Variants in POU2F1 observed in about 807,000 individuals in gnomAD.
POU2F1 encodes the protein POU domain, class 2, transcription factor 1.
Under a neutral mutation model 84.9 loss-of-function variants are expected in POU2F1, and 16 were observed. The observed-to-expected ratio is 0.19, with a 90% CI of 0.13 to 0.29. The LOEUF is 0.29. Ranked by LOEUF, POU2F1 falls within the 10% of genes least tolerant of loss-of-function variation. POU2F1 has a pLI of 1.00. For missense variants in POU2F1, 738 were observed against 942.6 expected (o/e 0.78, Z 2.84); for synonymous variants, 368 against 368.3 (o/e 1.00, Z 0.01).
At chr1:167,298,107 C>T (rs1654412424) in intron 1 of POU2F1, among the ~76,000 whole-genome samples, 1 of 151,982 alleles carries the variant, frequency 6.6e-6, no homozygotes, top group Admixed American at 6.6e-5. Flanking sequence ...GCCTGGGCAA[C>T]AAGAGTGAAA....
chr1:167,301,370 C>G (rs111394738), intron 1 of POU2F1, among the ~76,000 whole-genome samples: 5 of 152,258 alleles, frequency 3.3e-5, no homozygotes, highest in African/African-American at 1.2e-4. Flanking sequence ...AAATACCTTG[C>G]GTTATTTTGT....
In POU2F1 at chr1:167,415,960, CA is replaced by C; in HGVS notation, c.*151del. ...AAGGGAGAAAAAAAAAAAAAAACCA[CA>C]CACACCCATACACACATACCAGAAA... On this transcript the variant is annotated 3_prime_UTR_variant, in exon 16 of 16. Coordinates refer to ENST00000367866, the MANE Select transcript of POU2F1 (RefSeq NM_002697.4). 2.7e-6 allele frequency: 2 copies of C among 752,626 alleles called. No individual in the cohort carries two copies. Among genetic ancestry groups the C allele is most frequent in the South Asian group, 3.7e-5 (2 of 54,138 alleles). 46.6% of individuals were successfully genotyped at this position (752,626 alleles called of 1,614,324 possible).
intron 1 of POU2F1, among the ~76,000 whole-genome samples, chr1:167,224,134 C>T (rs538643197): frequency 6.6e-6 from 1 of 152,222 alleles, no homozygotes; most frequent in South Asian, 2.1e-4. Context: ...TGTTAACTGG[C>T]CTTATATTTT....
chr1:167,304,134 T>C (rs1162186009), intron 1 of POU2F1, among the ~76,000 whole-genome samples: 1 of 152,192 alleles, frequency 6.6e-6, no homozygotes, highest in East Asian at 1.9e-4. Context: ...TTTTTATATT[T>C]TTATTTTTAA....
chr1:167,328,914 C>A, intron 1 of POU2F1: 2 of 436,494 alleles, frequency 4.6e-6, no homozygotes, highest in Non-Finnish European at 6.3e-6. Context: ...CCTAATCACG[C>A]GCATACTGAT....
Position 167,420,164 on chromosome 1 carries a change from A to G in POU2F1, c.*4354A>G, listed in dbSNP as rs1484456852. 8.3e-6 allele frequency: 1 copy of G among 119,954 alleles called. No homozygotes were observed. Among genetic ancestry groups the G allele is most frequent in the Non-Finnish European group, 1.7e-5 (1 of 59,720 alleles). 7.4% of individuals were successfully genotyped at this position (119,954 alleles called of 1,614,324 possible). A position where few individuals can be genotyped will look rare whatever the true frequency, so the allele number is the denominator to read the frequency against. On this transcript the variant is annotated 3_prime_UTR_variant, in exon 16 of 16. Transcript: ENST00000367866. ...ATACATTGGCAAATATAGGGAATTC[A>G]TGTCTTTTTTTTTTTTTTTTTTCTG...
intron 1 of POU2F1, among the ~76,000 whole-genome samples, chr1:167,263,606 T>C (rs1246874627): frequency 6.6e-6 from 1 of 152,148 alleles, no homozygotes; most frequent in Admixed American, 6.5e-5. Context: ...CACAGATAGA[T>C]ATAAACTTCC....
intron 2 of POU2F1, among the ~76,000 whole-genome samples, chr1:167,337,338 GAAAA>G (rs1361224161): frequency 6.6e-6 from 1 of 151,634 alleles, no homozygotes; most frequent in Non-Finnish European, 1.5e-5. Context: ...AAAAAAGAAA[GAAAA>G]AAGAGAATGC....
At chr1:167,347,987 C>A (rs1658308405) in intron 2 of POU2F1, among the ~76,000 whole-genome samples, 1 of 152,120 alleles carries the variant, frequency 6.6e-6, no homozygotes, top group Non-Finnish European at 1.5e-5. Context: ...GTGAATAATG[C>A]TGCTGTGAAC....
intron 8 of POU2F1, among the ~76,000 whole-genome samples, chr1:167,385,335 C>T (rs1647890161): frequency 6.6e-6 from 1 of 152,134 alleles, no homozygotes; most frequent in Non-Finnish European, 1.5e-5. Flanking sequence ...CATACTGTTT[C>T]TAACATTTAT....
chr1:167,330,134 C>T (rs965706108), intron 1 of POU2F1, among the ~76,000 whole-genome samples: 3 of 152,066 alleles, frequency 2.0e-5, no homozygotes, highest in African/African-American at 7.2e-5. Context: ...ATTATTGAGA[C>T]TTTTTTAGTT....
intron 5 of POU2F1, among the ~76,000 whole-genome samples, chr1:167,372,493 T>G (rs1390218998): frequency 6.6e-6 from 1 of 152,216 alleles, no homozygotes; most frequent in African/African-American, 2.4e-5. Context: ...CTTCATATCC[T>G]AGCTCTGCAA....
In POU2F1 at chr1:167,364,326, C is replaced by T. The variant is rs191903316; in HGVS notation, c.128-1141C>T. Among the ~76,000 whole-genome samples the T allele has an allele frequency of 1.3e-3, 200 of 151,384 alleles. 1 individual carries two copies. The highest frequency in any genetic ancestry group is 4.5e-3 in the African/African-American group (186 of 41,326). On this transcript the variant is annotated intron_variant, in intron 2 of 15. Transcript: ENST00000367866. ...CGGGCGGATCACGAGGTCAGGAGAT[C>T]GAGACCATCCCGGCTATAACGGTGA...
chr1:167,305,538 T>C (rs1056424743), intron 1 of POU2F1, among the ~76,000 whole-genome samples: 1 of 152,206 alleles, frequency 6.6e-6, no homozygotes. Flanking sequence ...ATAGCTCATA[T>C]CATGTAACCG....
chr1:167,408,579 CAG>C (rs1189969250), intron 13 of POU2F1, among the ~76,000 whole-genome samples: 1 of 152,096 alleles, frequency 6.6e-6, no homozygotes, highest in African/African-American at 2.4e-5. Context: ...ACCTTGAAAA[CAG>C]AATGTTAAGT....
intron 1 of POU2F1, among the ~76,000 whole-genome samples, chr1:167,323,037 G>T (rs981870600): frequency 6.6e-6 from 1 of 152,172 alleles, no homozygotes; most frequent in Non-Finnish European, 1.5e-5. Context: ...TGGCCATTTT[G>T]GGGGCCTGTC....
At position 167,398,047 on chromosome 1, in the gene POU2F1, G is replaced by C. The variant is rs1331703164; in HGVS notation, c.1183G>C (p.Gly395Arg). 1 of 1,613,928 alleles carries C rather than the reference G, an allele frequency of 6.2e-7. No individual in the cohort carries two copies. The highest frequency in any genetic ancestry group is 2.2e-5 in the East Asian group (1 of 44,878). The change falls in exon 11 of 16, where the codon GGA (glycine) becomes CGA (arginine). Residue 395 changes from glycine to arginine, a missense_variant. Around this residue, in one of 4 missense-constraint regions of POU2F1, gnomAD observed 95 missense variants for 195.1 expected, o/e 0.49. Coordinates refer to ENST00000367866, the MANE Select transcript of POU2F1 (RefSeq NM_002697.4). ...CAGCCCAAGTGCCCTGAATTCTCCA[G>C]GAATTGAGGGCTTGAGCCGTAGGAG... ...LSSPSALNSPGIEGLSRRRKK... is the reference protein window; with the variant it reads ...LSSPSALNSPRIEGLSRRRKK...
At chr1:167,340,111 C>T (rs376364385) in intron 2 of POU2F1, among the ~76,000 whole-genome samples, 3 of 152,178 alleles carry the variant, frequency 2.0e-5, no homozygotes, top group Non-Finnish European at 4.4e-5. Context: ...TGGAATTTCA[C>T]TGTCGTTGCC....
intron 1 of POU2F1, among the ~76,000 whole-genome samples, chr1:167,286,837 A>T (rs1557869661): frequency 6.6e-6 from 1 of 152,230 alleles, no homozygotes; most frequent in Non-Finnish European, 1.5e-5. Context: ...AACCTGAAAA[A>T]TTCTGTGAAA....
Sources: allele counts gnomAD v4.1 joint callset (sites outside exome capture counted in the v4.1 genomes callset), GRCh38; gene constraint gnomAD v4.1.1; regional missense constraint gnomAD v4.1.1; transcripts MANE v1.5; gene names NCBI Gene and HGNC (gene_info 2026-07-23, HGNC 2026-07-21).